LINC00632: variants seen among roughly 807,000 people sequenced by gnomAD.
The protein encoded by LINC00632 is ALDOA related specific transcript.
chrX:140,768,756 A>C (rs1387309746), intron 3 of LINC00632, among the ~76,000 whole-genome samples: 1 of 100,168 alleles, frequency 1.0e-5, no homozygotes, highest in East Asian at 2.9e-4. Context: ...CATATTTATC[A>C]TATATAATAA....
intron 3 of LINC00632, among the ~76,000 whole-genome samples, chrX:140,766,043 CAG>C (rs1407132817): frequency 4.5e-5 from 5 of 111,840 alleles, no homozygotes; most frequent in Non-Finnish European, 7.5e-5. Flanking sequence ...GCCTGCTAAA[CAG>C]AGTTTGCTTC....
Position 140,784,126 on chromosome X carries a change from A to T in LINC00632, n.12145A>T, listed in dbSNP as rs765851570. The T allele has an allele frequency of 7.4e-6, 9 of 1,208,369 alleles. No individual in the cohort carries two copies. The African/African-American group carries it at 1.4e-4, about 19-fold the overall frequency. ...TCCAGACTATCCATGTCTTCCAGAAAATCCTTGTCTTCCCTCAAATCCATA... is the reference window on the plus strand; with the variant it reads ...TCCAGACTATCCATGTCTTCCAGAATATCCTTGTCTTCCCTCAAATCCATA... On this transcript the variant is annotated non_coding_transcript_exon_variant, in exon 5 of 5. Transcript: ENST00000648200.
intron 2 of LINC00632, among the ~76,000 whole-genome samples, chrX:140,718,553 C>T (rs1930676784): frequency 9.1e-6 from 1 of 109,781 alleles, no homozygotes; most frequent in South Asian, 4.1e-4. Flanking sequence ...GCTGGGATTA[C>T]AGGCCCGCCA....
chrX:140,725,202 AACACATTCCGTACACATACTCAGAC>A (rs1322669536), intron 2 of LINC00632, among the ~76,000 whole-genome samples: 1 of 12,156 alleles, frequency 8.2e-5, no homozygotes, highest in Non-Finnish European at 1.6e-4. Context: ...TACACACACA[AACACATTCCGTACACATACTCAGAC>A]ACACATTCCA....
chrX:140,775,825 C>A (rs776540745), exon 5 of LINC00632, among the ~76,000 whole-genome samples: 7 of 76,151 alleles, frequency 9.2e-5, no homozygotes, highest in Non-Finnish European at 1.5e-4. Context: ...TTGTAGGAAG[C>A]AGGAAGCAAG....
chrX:140,787,125 C>T (rs1721726255), exon 5 of LINC00632, among the ~76,000 whole-genome samples: 1 of 110,599 alleles, frequency 9.0e-6, no homozygotes, highest in Non-Finnish European at 1.9e-5. Context: ...TTTTCTTGTA[C>T]ATGGAATCAA....
intron 3 of LINC00632, among the ~76,000 whole-genome samples, chrX:140,749,122 G>A (rs1179589712): frequency 3.6e-5 from 4 of 109,941 alleles, no homozygotes; most frequent in African/African-American, 1.3e-4. Flanking sequence ...ACTTTATGAA[G>A]ATAAGAGTAA....
At chrX:140,742,712 G>A (rs764128309) in intron 3 of LINC00632, among the ~76,000 whole-genome samples, 4 of 109,664 alleles carry the variant, frequency 3.6e-5, no homozygotes, top group South Asian at 4.0e-4. Context: ...AGAAAATTCC[G>A]GCACGACAAC....
At chrX:140,724,823 C>A (rs1437133559) in intron 2 of LINC00632, among the ~76,000 whole-genome samples, 1 of 23,462 alleles carries the variant, frequency 4.3e-5, no homozygotes, top group African/African-American at 1.4e-4. Flanking sequence ...CATACACACA[C>A]GCACACATTC....
chrX:140,742,875 G>A lies in LINC00632; in HGVS notation n.191+8911G>A, dbSNP rs1413622625. Among the ~76,000 whole-genome samples the A allele has an allele frequency of 3.6e-3, 342 of 94,183 alleles. 4 individuals are homozygous for A. Among genetic ancestry groups the A allele is most frequent in the African/African-American group, 0.014 (321 of 23,503 alleles). 81.8% of individuals were successfully genotyped at this position (94,183 alleles called of 115,157 possible). ...AGAGAGAGAGAGAGAGAGAGAGAGAGAGAGGAAGGAAGGAAGGAAGGAAAG... is the reference window on the plus strand; with the variant it reads ...AGAGAGAGAGAGAGAGAGAGAGAGAAAGAGGAAGGAAGGAAGGAAGGAAAG... On this transcript the variant is annotated intron_variant and non_coding_transcript_variant, in intron 3 of 4. Transcript: ENST00000648200.
chrX:140,737,052 G>A (rs952162955), intron 3 of LINC00632, among the ~76,000 whole-genome samples: 4 of 106,628 alleles, frequency 3.8e-5, no homozygotes, highest in Admixed American at 2.1e-4. Flanking sequence ...GGTGCGAGCC[G>A]CGACACCTGG....
chrX:140,754,190 G>C (rs949814407), intron 3 of LINC00632, among the ~76,000 whole-genome samples: 1 of 111,668 alleles, frequency 9.0e-6, no homozygotes, highest in African/African-American at 3.3e-5. Context: ...GTGGCACTTA[G>C]TCTTGGATGC....
At chrX:140,759,391 C>G (rs1459178299) in intron 3 of LINC00632, among the ~76,000 whole-genome samples, 1 of 100,183 alleles carries the variant, frequency 1.0e-5, no homozygotes, top group Non-Finnish European at 2.0e-5. Flanking sequence ...GACTCTCACT[C>G]TGTTGCCCAG....
intron 3 of LINC00632, among the ~76,000 whole-genome samples, chrX:140,744,329 G>C (rs146307611): frequency 0.058 from 6,399 of 110,133 alleles, 195 homozygotes; most frequent in African/African-American, 0.11. Flanking sequence ...GAGAGCTTGA[G>C]CATTACTTCT....
At chrX:140,724,794 TACAC>T (rs772365089) in intron 2 of LINC00632, among the ~76,000 whole-genome samples, 1 of 9,737 alleles carries the variant, frequency 1.0e-4, no homozygotes, top group Non-Finnish European at 1.9e-4. Context: ...ACTCATTCCA[TACAC>T]ACAGAGACAC....
intron 2 of LINC00632, among the ~76,000 whole-genome samples, chrX:140,715,488 G>A (rs951188317): frequency 2.7e-5 from 3 of 110,096 alleles, no homozygotes; most frequent in Non-Finnish European, 5.7e-5. Context: ...CCAGCTACTC[G>A]GGAGGCTGAG....
chrX:140,718,077 G>A (rs1305566745), intron 2 of LINC00632, among the ~76,000 whole-genome samples: 3 of 110,564 alleles, frequency 2.7e-5, no homozygotes, highest in Non-Finnish European at 5.7e-5. Context: ...CAGAGGTTGC[G>A]GTGAGCCAAG....
intron 3 of LINC00632, among the ~76,000 whole-genome samples, chrX:140,742,710 C>T (rs1403056091): frequency 9.1e-6 from 1 of 109,724 alleles, no homozygotes; most frequent in Non-Finnish European, 1.9e-5. Context: ...GCAGAAAATT[C>T]CGGCACGACA....
intron 2 of LINC00632, among the ~76,000 whole-genome samples, chrX:140,712,908 T>G (rs1296487561): frequency 9.0e-6 from 1 of 110,740 alleles, no homozygotes; most frequent in Non-Finnish European, 1.9e-5. Context: ...CTGCCTTGCC[T>G]GCGGTTATTG....
Sources: allele counts gnomAD v4.1 joint callset (sites outside exome capture counted in the v4.1 genomes callset), GRCh38; gene constraint gnomAD v4.1.1; transcripts MANE v1.5; gene names NCBI Gene and HGNC (gene_info 2026-07-23, HGNC 2026-07-21).